The following ENTREP2 variants were observed in gnomAD, a reference collection of about 807,000 sequenced individuals.
ENTREP2 encodes the protein protein ENTREP2.
chr15:29,608,376 T>A, the ENTREP2 span, among the ~76,000 whole-genome samples: 3 of 152,000 alleles, frequency 2.0e-5, no homozygotes, highest in African/African-American at 7.2e-5. Flanking sequence ...AGATGGAAAC[T>A]GCTCCTTCCT....
At chr15:29,547,090 ATTT>A in the ENTREP2 span, among the ~76,000 whole-genome samples, 47 of 141,934 alleles carry the variant, frequency 3.3e-4, no homozygotes, top group Middle Eastern at 3.7e-3. Flanking sequence ...TATTGACTCA[ATTT>A]TTTTTTTTTT....
the ENTREP2 span, chr15:29,570,542 C>T: frequency 1.4e-6 from 2 of 1,461,340 alleles, no homozygotes; most frequent in East Asian, 3.0e-5. Flanking sequence ...GTGGCGGACG[C>T]GGGCCGAGGT....
At chr15:29,292,140 A>C in the ENTREP2 span, among the ~76,000 whole-genome samples, 29 of 152,184 alleles carry the variant, frequency 1.9e-4, no homozygotes, top group African/African-American at 7.0e-4. Flanking sequence ...CTGGAGACTG[A>C]CACTTACTGC....
the ENTREP2 span, among the ~76,000 whole-genome samples, chr15:29,552,594 G>A: frequency 6.6e-6 from 1 of 151,624 alleles, no homozygotes; most frequent in African/African-American, 2.4e-5. Flanking sequence ...AACAAAAAAC[G>A]AGGAAAATTG....
the ENTREP2 span, among the ~76,000 whole-genome samples, chr15:29,272,872 A>G: frequency 6.6e-6 from 1 of 152,082 alleles, no homozygotes; most frequent in Non-Finnish European, 1.5e-5. Flanking sequence ...CCCTGACTGC[A>G]TGTCTTCCAT....
At chr15:29,301,138 T>G in the ENTREP2 span, among the ~76,000 whole-genome samples, 3 of 152,372 alleles carry the variant, frequency 2.0e-5, no homozygotes, top group East Asian at 5.8e-4. Flanking sequence ...TTTTAAAATA[T>G]CAACAGGAGT....
chr15:29,347,419 C>T, the ENTREP2 span, among the ~76,000 whole-genome samples: 1,467 of 152,160 alleles, frequency 9.6e-3, 14 homozygotes, highest in Middle Eastern at 0.027. Context: ...ATCCTCCCAC[C>T]GCAGACTCCC....
chr15:29,155,241 C>T, the ENTREP2 span, among the ~76,000 whole-genome samples: 2 of 150,340 alleles, frequency 1.3e-5, no homozygotes, highest in Admixed American at 6.7e-5. Flanking sequence ...AAGATCGCGC[C>T]ACTGCACTCC....
chr15:29,591,719 TC>T, the ENTREP2 span, among the ~76,000 whole-genome samples: 5 of 151,778 alleles, frequency 3.3e-5, no homozygotes, highest in African/African-American at 1.2e-4. Context: ...ACACCTGTAG[TC>T]CCAGCTACTC....
the ENTREP2 span, among the ~76,000 whole-genome samples, chr15:29,522,726 C>G: frequency 6.6e-6 from 1 of 152,158 alleles, no homozygotes; most frequent in Non-Finnish European, 1.5e-5. Context: ...TCCCAGAGAA[C>G]TGACATGAAA....
the ENTREP2 span, among the ~76,000 whole-genome samples, chr15:29,216,924 G>A: frequency 6.6e-6 from 1 of 152,054 alleles, no homozygotes; most frequent in Non-Finnish European, 1.5e-5. Flanking sequence ...TATTTAAGCC[G>A]GCGGCCAAGA....
At chr15:29,154,256 A>T in the ENTREP2 span, among the ~76,000 whole-genome samples, 2 of 151,892 alleles carry the variant, frequency 1.3e-5, no homozygotes, top group African/African-American at 4.8e-5. Context: ...ATTACCTTTT[A>T]TTATTATTAT....
chr15:29,570,689 G>A, the ENTREP2 span: 8 of 1,167,940 alleles, frequency 6.8e-6, no homozygotes, highest in African/African-American at 3.2e-5. Flanking sequence ...CAGCGCGGCG[G>A]GACGCGGCGC....
chr15:29,403,316 T>C, the ENTREP2 span, among the ~76,000 whole-genome samples: 370 of 152,166 alleles, frequency 2.4e-3, 2 homozygotes, highest in African/African-American at 8.6e-3. Context: ...TCTCAACCCA[T>C]TGTCAGAAAA....
the ENTREP2 span, among the ~76,000 whole-genome samples, chr15:29,668,895 G>A: frequency 1.2e-3 from 179 of 152,294 alleles, no homozygotes; most frequent in South Asian, 1.4e-3. Context: ...ACAAACCATT[G>A]TCTGCTCTGC....
chr15:29,472,462 CACACACACACAT>C, the ENTREP2 span, among the ~76,000 whole-genome samples: 7,849 of 143,720 alleles, frequency 0.055, 209 homozygotes, highest in Non-Finnish European at 0.063. Context: ...CACACACACA[CACACACACACAT>C]ATAAATTTGA....
chr15:29,525,647 A>G, the ENTREP2 span, among the ~76,000 whole-genome samples: 3 of 152,234 alleles, frequency 2.0e-5, no homozygotes, highest in East Asian at 5.8e-4. Context: ...AAAAGGTTAT[A>G]TGCGGTATAA....
At chr15:29,481,954 A>G in the ENTREP2 span, among the ~76,000 whole-genome samples, 1 of 152,156 alleles carries the variant, frequency 6.6e-6, no homozygotes, top group African/African-American at 2.4e-5. Flanking sequence ...TCTCCCCAGA[A>G]GCACAGCTTT....
the ENTREP2 span, among the ~76,000 whole-genome samples, chr15:29,296,907 C>A: frequency 2.6e-5 from 4 of 152,092 alleles, no homozygotes; most frequent in African/African-American, 9.7e-5. Context: ...TGGCCTATTG[C>A]CCTGTTATCA....
Sources: allele counts gnomAD v4.1 joint callset (sites outside exome capture counted in the v4.1 genomes callset), GRCh38; gene constraint gnomAD v4.1.1; transcripts MANE v1.5; gene names NCBI Gene and HGNC (gene_info 2026-07-23, HGNC 2026-07-21).